Variants in ZC3H12B observed in about 807,000 individuals in gnomAD.
ZC3H12B encodes the protein probable ribonuclease ZC3H12B.
Under a neutral mutation model 43.9 loss-of-function variants are expected in ZC3H12B, and 7 were observed. That is an observed-to-expected ratio of 0.16 (90% CI 0.09 to 0.30). ZC3H12B has a LOEUF of 0.30. Ranked by LOEUF, ZC3H12B falls within the 10% of genes least tolerant of loss-of-function variation. The probability of loss-of-function intolerance (pLI) is 1.00; values close to 1 mark genes in which losing one functional copy is unlikely to be tolerated. For synonymous variants in ZC3H12B, 222 were observed against 241.7 expected (o/e 0.92, Z 0.76); for missense variants, 475 against 670.2 (o/e 0.71, Z 3.22).
the ZC3H12B span, among the ~76,000 whole-genome samples, chrX:65,140,324 G>C: frequency 9.0e-6 from 1 of 111,172 alleles, no homozygotes; most frequent in Non-Finnish European, 1.9e-5. Context: ...GAATTTTGTT[G>C]AATGCCTTTT....
At chrX:65,474,684 C>T (rs756368549) in intron 3 of ZC3H12B, among the ~76,000 whole-genome samples, 2 of 110,818 alleles carry the variant, frequency 1.8e-5, no homozygotes, top group African/African-American at 3.3e-5. Flanking sequence ...AATCTCAGCT[C>T]ACTGCAGCCA....
At chrX:65,230,176 T>A in the ZC3H12B span, among the ~76,000 whole-genome samples, 36 of 111,430 alleles carry the variant, frequency 3.2e-4, no homozygotes, top group Non-Finnish European at 4.7e-4. Flanking sequence ...AAAATGTGGC[T>A]CATATACACC....
intron 4 of ZC3H12B, 93 bp from the exon 10 acceptor site, chrX:65,501,696 C>T: frequency 2.1e-6 from 2 of 944,785 alleles, no homozygotes; most frequent in Non-Finnish European, 2.8e-6. Flanking sequence ...AACAGTAAAA[C>T]CCTAACCTGA....
intron 3 of ZC3H12B, among the ~76,000 whole-genome samples, chrX:65,441,431 G>A (rs1433959823): frequency 9.0e-6 from 1 of 111,696 alleles, no homozygotes; most frequent in East Asian, 2.8e-4. Flanking sequence ...TCACAGGTAG[G>A]ATGTTTATCA....
the ZC3H12B span, among the ~76,000 whole-genome samples, chrX:65,182,429 T>A: frequency 9.1e-6 from 1 of 110,370 alleles, no homozygotes; most frequent in Non-Finnish European, 1.9e-5. Context: ...AATTAAAAAA[T>A]AAATAAATAA....
chrX:65,445,797 T>C (rs2067368056), intron 3 of ZC3H12B, among the ~76,000 whole-genome samples: 1 of 112,584 alleles, frequency 8.9e-6, no homozygotes, highest in African/African-American at 3.2e-5. Flanking sequence ...GAGCTGGGGC[T>C]AGGAGTCGGG....
chrX:65,468,485 C>CTT (rs756168806), intron 3 of ZC3H12B, among the ~76,000 whole-genome samples: 14 of 88,068 alleles, frequency 1.6e-4, no homozygotes, highest in African/African-American at 4.0e-4. Context: ...TTCTTTCTTT[C>CTT]TTTTTTTTTT....
intron 3 of ZC3H12B, among the ~76,000 whole-genome samples, chrX:65,424,820 T>A (rs1602417236): frequency 8.9e-6 from 1 of 111,924 alleles, no homozygotes; most frequent in African/African-American, 3.3e-5. Context: ...GTTTCATTGA[T>A]CTATGTGTCA....
At chrX:65,237,650 G>C in the ZC3H12B span, among the ~76,000 whole-genome samples, 1 of 110,301 alleles carries the variant, frequency 9.1e-6, no homozygotes, top group African/African-American at 3.3e-5. Context: ...CAGTTTTTAA[G>C]GGGAATGCAT....
intron 2 of ZC3H12B, among the ~76,000 whole-genome samples, chrX:65,393,808 T>G (rs2066659506): frequency 8.9e-6 from 1 of 112,194 alleles, no homozygotes; most frequent in Admixed American, 9.4e-5. Context: ...TAATTTACAC[T>G]ACCACCAAAA....
the ZC3H12B span, among the ~76,000 whole-genome samples, chrX:65,231,096 G>T: frequency 0.02 from 2,217 of 111,347 alleles, 60 homozygotes; most frequent in African/African-American, 0.07. Context: ...TACAAAGAGA[G>T]AAATTTTACA....
chrX:65,142,982 G>A, the ZC3H12B span, among the ~76,000 whole-genome samples: 1 of 110,394 alleles, frequency 9.1e-6, no homozygotes, highest in Non-Finnish European at 1.9e-5. Flanking sequence ...TGACTACATG[G>A]GCTCTTTTTT....
chrX:65,440,351 G>A (rs1364774452), intron 3 of ZC3H12B, among the ~76,000 whole-genome samples: 2 of 112,312 alleles, frequency 1.8e-5, no homozygotes, highest in Non-Finnish European at 3.8e-5. Context: ...GTATGAAATC[G>A]TAACTGAGCA....
At chrX:65,312,060 G>A in the ZC3H12B span, among the ~76,000 whole-genome samples, 13 of 111,157 alleles carry the variant, frequency 1.2e-4, no homozygotes, top group Non-Finnish European at 2.3e-4. Flanking sequence ...GAGTTAATAG[G>A]TGCAGCAAAC....
the ZC3H12B span, among the ~76,000 whole-genome samples, chrX:65,211,537 C>T: frequency 1.9e-5 from 2 of 104,134 alleles, no homozygotes; most frequent in African/African-American, 7.0e-5. Context: ...AACAGAGAAA[C>T]TAAACTCCAG....
the ZC3H12B span, among the ~76,000 whole-genome samples, chrX:65,043,040 A>G: frequency 8.9e-6 from 1 of 111,802 alleles, no homozygotes; most frequent in South Asian, 3.7e-4. Flanking sequence ...AAGAGACTCA[A>G]TATCTACGAA....
chrX:65,491,130 G>A (rs892281429), intron 1 of ZC3H12B, among the ~76,000 whole-genome samples: 1 of 112,037 alleles, frequency 8.9e-6, no homozygotes, highest in Non-Finnish European at 1.9e-5. Context: ...GTGAGAACTC[G>A]AACTTAAGTC....
the ZC3H12B span, among the ~76,000 whole-genome samples, chrX:65,062,982 A>G: frequency 9.0e-6 from 1 of 111,328 alleles, no homozygotes; most frequent in Non-Finnish European, 1.9e-5. Flanking sequence ...GGTGTTTAGA[A>G]ATGCTTGTGA....
At chrX:65,454,665 T>A (rs180721595) in intron 3 of ZC3H12B, among the ~76,000 whole-genome samples, 69 of 111,763 alleles carry the variant, frequency 6.2e-4, no homozygotes, top group Middle Eastern at 4.6e-3. Flanking sequence ...GATCGGAGGA[T>A]GGACGGACTG....
Sources: allele counts gnomAD v4.1 joint callset (sites outside exome capture counted in the v4.1 genomes callset), GRCh38; gene constraint gnomAD v4.1.1; transcripts MANE v1.5; gene names NCBI Gene and HGNC (gene_info 2026-07-23, HGNC 2026-07-21).